Variants in NR2C1 observed in about 807,000 individuals in gnomAD.
NR2C1 encodes the protein nuclear receptor subfamily 2 group C member 1.
Under a neutral mutation model 74.8 loss-of-function variants are expected in NR2C1, and 33 were observed. The observed-to-expected ratio is 0.44, with a 90% confidence interval of 0.33 to 0.59. NR2C1 has a LOEUF of 0.59. Among genes scored for constraint, NR2C1 ranks in the 20% least tolerant of loss-of-function variants. NR2C1 has a pLI of 0.02. For synonymous variants in NR2C1, 225 were observed against 240.6 expected (o/e 0.94, Z 0.60); for missense variants, 568 against 715.6 (o/e 0.79, Z 2.35).
intron 12 of NR2C1, among the ~76,000 whole-genome samples, chr12:95,027,940 G>A (rs80106847): frequency 0.013 from 2,004 of 152,082 alleles, 14 homozygotes; most frequent in Middle Eastern, 0.041. Flanking sequence ...CCTATTTTGC[G>A]TATTTTATAT....
At chr12:95,061,499 CATTT>C (rs1257292743) in intron 3 of NR2C1, among the ~76,000 whole-genome samples, 1 of 152,140 alleles carries the variant, frequency 6.6e-6, no homozygotes, top group Non-Finnish European at 1.5e-5. Context: ...TAATGTTATA[CATTT>C]TTTTGTGACT....
At chr12:95,070,122 TTTTTTG>T (rs1443989332) in intron 1 of NR2C1, among the ~76,000 whole-genome samples, 1 of 113,874 alleles carries the variant, frequency 8.8e-6, no homozygotes, top group Non-Finnish European at 2.2e-5. Flanking sequence ...TTTACAAGTT[TTTTTTG>T]TTTTTTGTTT....
intron 4 of NR2C1, among the ~76,000 whole-genome samples, chr12:95,059,618 G>C (rs1874439421): frequency 6.6e-6 from 1 of 152,150 alleles, no homozygotes; most frequent in East Asian, 1.9e-4. Flanking sequence ...GGCCGAGGCA[G>C]GAGAATTTCT....
chr12:95,033,827 G>C (rs957672487), intron 10 of NR2C1, among the ~76,000 whole-genome samples: 3 of 152,182 alleles, frequency 2.0e-5, no homozygotes, highest in African/African-American at 7.2e-5. Flanking sequence ...TCTGATCTTA[G>C]CGAGTACAGA....
chr12:95,057,902 A>G, intron 5 of NR2C1, 24 bp from the exon 6 acceptor site: 2 of 1,588,246 alleles, frequency 1.3e-6, no homozygotes, highest in Non-Finnish European at 1.7e-6. Context: ...TTAAACTATT[A>G]TATCACAATA....
At chr12:95,062,457 A>G (rs772310707) in intron 3 of NR2C1, 51 bp downstream of exon 3, 4 of 1,298,378 alleles carry the variant, frequency 3.1e-6, no homozygotes, top group Non-Finnish European at 4.3e-6. Context: ...TTATGATTAA[A>G]ATTTTTTTTT....
At chr12:95,071,744 ACCCAC>A (rs1876650810) in intron 1 of NR2C1, among the ~76,000 whole-genome samples, 2 of 149,034 alleles carry the variant, frequency 1.3e-5, no homozygotes, top group African/African-American at 5.0e-5. Flanking sequence ...ATTTCATAAA[ACCCAC>A]TTTTTTTTTT....
At chr12:95,025,001 A>G (rs75200697) in intron 13 of NR2C1, 149 bp downstream of exon 13, 6,183 of 478,006 alleles carry the variant, frequency 0.013, 57 homozygotes, top group Non-Finnish European at 0.018. Context: ...CGTACTTGCA[A>G]CAATGCAATA....
chr12:95,052,979 G>A lies in NR2C1; in HGVS notation c.784-1036C>T, dbSNP rs574655544. ...ACTCTCTTTATATAGGTAAGATACT[G>A]ATCTATTTGTCTTTTTTTTTTTGAG... On this transcript the variant is annotated intron_variant, in intron 7 of 13. Transcript: ENST00000333003. Among the ~76,000 whole-genome samples, 5 of 151,594 alleles carry A rather than the reference G, an allele frequency of 3.3e-5. No individual in the cohort carries two copies. In the South Asian group the frequency reaches 1.0e-3, roughly 32 times the overall value.
chr12:95,049,541 T>TG (rs1872710511), intron 8 of NR2C1: 1 of 193,482 alleles, frequency 5.2e-6, no homozygotes, highest in Admixed American at 5.6e-5. Flanking sequence ...AGGGCTGCAG[T>TG]GAGCTATGAT....
intron 9 of NR2C1, among the ~76,000 whole-genome samples, chr12:95,044,420 A>T (rs1343751265): frequency 1.3e-5 from 2 of 150,754 alleles, no homozygotes; most frequent in Non-Finnish European, 3.0e-5. Flanking sequence ...GGTGCCCGCC[A>T]CCACACCCGG....
In NR2C1 at chr12:95,031,483, T is replaced by C; in HGVS notation, c.1259A>G (p.Glu420Gly). The change falls in exon 11 of 14, where the codon GAA (glutamate) becomes GGA (glycine). Residue 420 changes from glutamate (E) to glycine (G), a missense_variant. Physicochemically the swap from Glu to Gly is moderately conservative, Grantham distance 98 (BLOSUM62 -2). Around this residue, in one of 6 missense-constraint regions of NR2C1, gnomAD observed 39 missense variants for 64.6 expected, o/e 0.60. Transcript: ENST00000333003. ...AGCTTTCACCAGTGATATGCTGTTTTCTTGCCTATTAAAAACAGTAATAAA... is the reference window on the plus strand; with the variant it reads ...AGCTTTCACCAGTGATATGCTGTTTCCTTGCCTATTAAAAACAGTAATAAA... ...SIPSFQALGQENSISLVKAYW... is the reference protein window; with the variant it reads ...SIPSFQALGQGNSISLVKAYW... The C allele has an allele frequency of 6.3e-7, 1 of 1,587,340 alleles. No homozygotes were observed. The highest frequency in any genetic ancestry group is 1.2e-5 in the South Asian group (1 of 85,468).
chr12:95,070,429 G>A (rs1241052463), intron 1 of NR2C1, among the ~76,000 whole-genome samples: 2 of 152,146 alleles, frequency 1.3e-5, no homozygotes, highest in Non-Finnish European at 2.9e-5. Context: ...ACCACACCTA[G>A]CCAACACACA....
intron 9 of NR2C1, among the ~76,000 whole-genome samples, chr12:95,047,362 T>C (rs1872442861): frequency 6.6e-6 from 1 of 152,182 alleles, no homozygotes; most frequent in Admixed American, 6.5e-5. Context: ...AATTTTCCTG[T>C]AGAGTGTAGA....
intron 8 of NR2C1, 146 bp from the exon 9 acceptor site, chr12:95,049,379 C>CA (rs781214230): frequency 4.5e-6 from 3 of 660,460 alleles, no homozygotes; most frequent in Non-Finnish European, 7.3e-6. Context: ...CTCAGCCTTC[C>CA]AAAGTGCTGG....
intron 1 of NR2C1, among the ~76,000 whole-genome samples, 190 bp from the exon 2 acceptor site, chr12:95,067,581 T>C (rs835060): frequency 3.0e-4 from 46 of 151,618 alleles, no homozygotes; most frequent in African/African-American, 1.1e-3. Context: ...TTTTATTTTT[T>C]TTTTTTTTAA....
At chr12:95,071,608 G>C (rs748303928) in intron 1 of NR2C1, among the ~76,000 whole-genome samples, 5 of 152,018 alleles carry the variant, frequency 3.3e-5, no homozygotes, top group African/African-American at 4.8e-5. Flanking sequence ...GAGGCAGGAG[G>C]ATAGCTTGAG....
At chr12:95,055,858 C>G (rs1208576679) in intron 7 of NR2C1, among the ~76,000 whole-genome samples, 2 of 144,124 alleles carry the variant, frequency 1.4e-5, no homozygotes, top group East Asian at 4.1e-4. Context: ...GAGGCTGAGG[C>G]AGGAGAATGG....
chr12:95,059,375 A>G (rs1349047596), intron 4 of NR2C1, among the ~76,000 whole-genome samples: 1 of 152,064 alleles, frequency 6.6e-6, no homozygotes, highest in Non-Finnish European at 1.5e-5. Flanking sequence ...ATTACAAATC[A>G]TATTAAATTG....
Sources: gnomAD v4.1 joint callset for allele counts (sites outside exome capture counted in the v4.1 genomes callset) on GRCh38, gnomAD v4.1.1 for gene constraint, gnomAD v4.1.1 regional missense constraint, MANE v1.5 for transcripts, NCBI Gene and HGNC (gene_info 2026-07-23, HGNC 2026-07-21) for gene names.